Variants in TVP23A observed in about 807,000 individuals in gnomAD.
The protein encoded by TVP23A is Golgi apparatus membrane protein TVP23 homolog A.
A neutral mutation model predicts 31.7 loss-of-function variants in TVP23A; 21 were observed. That is an observed-to-expected ratio of 0.66 (90% CI 0.47 to 0.95). The LOEUF (loss-of-function observed/expected upper bound fraction) is 0.95. Ranked by LOEUF, TVP23A falls within the 40% of genes least tolerant of loss-of-function variation. The pLI, the probability that TVP23A is intolerant of heterozygous loss-of-function variation, is 0.00. For synonymous variants in TVP23A, 104 were observed against 96.0 expected, an observed-to-expected ratio of 1.08 and a Z score of -0.49; for missense variants, 279 against 255.6, an observed-to-expected ratio of 1.09 and a Z score of -0.62.
intron 2 of TVP23A, among the ~76,000 whole-genome samples, chr16:10,804,170 C>T (rs1346312122): frequency 6.6e-6 from 1 of 152,180 alleles, no homozygotes; most frequent in Non-Finnish European, 1.5e-5. Context: ...TCCACACAGG[C>T]CCCTCAGGCC....
chr16:10,811,147 A>C (rs955657127), intron 2 of TVP23A, among the ~76,000 whole-genome samples: 1 of 152,352 alleles, frequency 6.6e-6, no homozygotes, highest in South Asian at 2.1e-4. Context: ...CATTTGGCGC[A>C]GTGAAAAACT....
chr16:10,761,690 A>C, downstream of TVP23A: 1 of 1,287,158 alleles, frequency 7.8e-7, no homozygotes, highest in Non-Finnish European at 1.1e-6. Flanking sequence ...AGTTTCTTTA[A>C]AATGTGGTCC....
At chr16:10,771,186 C>T (rs1284416815) in intron 6 of TVP23A, among the ~76,000 whole-genome samples, 10 of 152,162 alleles carry the variant, frequency 6.6e-5, no homozygotes, top group Non-Finnish European at 1.3e-4. Flanking sequence ...CTTAATGCCA[C>T]AGAACTATAC....
intron 2 of TVP23A, among the ~76,000 whole-genome samples, chr16:10,778,972 G>A (rs1408540734): frequency 6.6e-6 from 1 of 152,136 alleles, no homozygotes; most frequent in East Asian, 1.9e-4. Flanking sequence ...AAAACATACA[G>A]ATCTCAAAAA....
intron 2 of TVP23A, among the ~76,000 whole-genome samples, chr16:10,812,869 C>T (rs1305841862): frequency 6.6e-6 from 1 of 151,834 alleles, no homozygotes; most frequent in African/African-American, 2.4e-5. Flanking sequence ...GAATTTTACG[C>T]TGTGGGTTTT....
rs768402371 is a variant in TVP23A, at chr16:10,769,075, G to A, written c.*27C>T. The A allele has an allele frequency of 1.2e-6, 2 of 1,613,962 alleles. No homozygotes were observed. Among genetic ancestry groups the A allele is most frequent in the East Asian group, 2.2e-5 (1 of 44,886 alleles). On this transcript the variant is annotated 3_prime_UTR_variant, in exon 8 of 8. Coordinates refer to ENST00000299866, the MANE Select transcript of TVP23A (RefSeq NM_001079512.4). ...TCCAAGAGTTTTGTAATCTCCATCA[G>A]TCAAAAGAAGAGAACCTCATCAGTT...
intron 2 of TVP23A, among the ~76,000 whole-genome samples, chr16:10,785,191 G>C (rs13331357): frequency 0.024 from 3,602 of 152,140 alleles, 162 homozygotes; most frequent in African/African-American, 0.082. Flanking sequence ...GATCACCTGA[G>C]GTCAGGAGCT....
chr16:10,764,279 G>A (rs1596473267), downstream of TVP23A, among the ~76,000 whole-genome samples: 1 of 152,352 alleles, frequency 6.6e-6, no homozygotes, highest in East Asian at 1.9e-4. Flanking sequence ...TTGCTTTTTG[G>A]CATCTCAGTC....
Position 10,769,021 on chromosome 16 carries a change from T to C in TVP23A, c.*81A>G. 1 of 1,612,926 alleles carries C rather than the reference T, an allele frequency of 6.2e-7. No homozygotes were observed. Among genetic ancestry groups the C allele is most frequent in the South Asian group, 1.1e-5 (1 of 91,056 alleles). On this transcript the variant is annotated 3_prime_UTR_variant, in exon 8 of 8. Transcript: ENST00000299866. ...CAAGGGGTAGACAAGCCATTAGCAC[T>C]CTATGCCTGTCGTCTTGTTTTCCAG...
chr16:10,790,083 T>A lies in TVP23A; in HGVS notation c.90-14987A>T, dbSNP rs189686720. ...TTATAATGGCAGCCCTTAGAGACAA[T>A]AGAAGACAAATGCTTCCTATTCAGA... On this transcript the variant is annotated intron_variant, in intron 2 of 7. Transcript: ENST00000299866. 2.7e-3 allele frequency among the ~76,000 whole-genome samples: 416 copies of A among 152,204 alleles called. 2 individuals carry two copies. Among genetic ancestry groups the A allele is most frequent in the African/African-American group, 9.3e-3 (385 of 41,546 alleles).
chr16:10,785,067 A>T (rs944737335), intron 2 of TVP23A, among the ~76,000 whole-genome samples: 1 of 148,986 alleles, frequency 6.7e-6, no homozygotes, highest in Non-Finnish European at 1.5e-5. Context: ...ACTACACTCC[A>T]GCCTGGGTGA....
In TVP23A at chr16:10,766,722, G is replaced by C. The variant is rs3762185; in HGVS notation, c.*2380C>G. The C allele has an allele frequency of 0.27, 106,241 of 389,450 alleles. 15,126 individuals carry two copies. Among genetic ancestry groups the C allele is most frequent in the South Asian group, 0.35 (2,393 of 6,912 alleles). The allele number at this position is 389,450 out of a possible 1,614,324, so 24.1% of individuals were successfully genotyped here. On this transcript the variant is annotated 3_prime_UTR_variant, in exon 8 of 8. Coordinates refer to ENST00000299866, the MANE Select transcript of TVP23A (RefSeq NM_001079512.4). The surrounding 1 kb of genome is among the most constrained non-coding windows in gnomAD (Gnocchi z 4.8). Reference sequence around the variant, plus strand: ...TATTGAAAATGAAAGTCAACTCCACGGTGTGGGAGGAGAACGGGCCTGAGA... The same window carrying C: ...TATTGAAAATGAAAGTCAACTCCACCGTGTGGGAGGAGAACGGGCCTGAGA...
intron 2 of TVP23A, among the ~76,000 whole-genome samples, chr16:10,794,193 G>C (rs1341437674): frequency 1.3e-5 from 2 of 152,212 alleles, no homozygotes; most frequent in Non-Finnish European, 2.9e-5. Flanking sequence ...AAAGGTCCCA[G>C]CTCTTAACAG....
chr16:10,806,708 C>T (rs143769692), intron 2 of TVP23A, among the ~76,000 whole-genome samples: 9,721 of 152,032 alleles, frequency 0.064, 755 homozygotes, highest in African/African-American at 0.17. Flanking sequence ...CACCATGTTG[C>T]CTAGGCTGGT....
chr16:10,769,108 C>T lies in TVP23A; in HGVS notation c.*1-7G>A, dbSNP rs2233543. On this transcript the variant is annotated splice_polypyrimidine_tract_variant and splice_region_variant and intron_variant, in intron 7 of 7. Transcript: ENST00000299866. The stretch of plus-strand genomic sequence containing the variant: ...AAGAGAACCTCATCAGTTCCTGAAA[C>T]GAGAGAATGTTCAGGACCAAGCAGT... 2,121 of 1,613,450 alleles carry T rather than the reference C, an allele frequency of 1.3e-3. 32 individuals carry two copies. In the African/African-American group the frequency reaches 0.024, roughly 19 times the overall value.
In TVP23A at chr16:10,774,063, G is replaced by A; in HGVS notation, c.300C>T (p.Ser100=). 6.2e-7 allele frequency: 1 copy of A among 1,611,932 alleles called. No homozygotes were observed. Among genetic ancestry groups the A allele is most frequent in the Non-Finnish European group, 8.5e-7 (1 of 1,179,072 alleles). The change falls in exon 4 of 8, where the codon AGC becomes AGT. Residue 100 remains serine, a synonymous_variant. Coordinates refer to ENST00000299866, the MANE Select transcript of TVP23A (RefSeq NM_001079512.4). ...WWNQIDEDGK[S]HWIFEARKVS... is the part of the protein sequence containing the mutation. ...CCTTCCTGGCTTCAAAGATCCAGTG[G>A]CTCTTCCCATCTTCATCTATCTGGT... is the stretch of plus-strand genomic sequence containing the variant.
intron 2 of TVP23A, among the ~76,000 whole-genome samples, chr16:10,786,572 G>A (rs777237341): frequency 6.6e-6 from 1 of 152,026 alleles, no homozygotes; most frequent in Non-Finnish European, 1.5e-5. Context: ...CTGCTTCTCA[G>A]TATGGCAGGC....
At position 10,768,210 on chromosome 16, in the gene TVP23A, TAATTC is replaced by T. The variant is rs2031186558; in HGVS notation, c.*887_*891del. 2.0e-6 allele frequency: 1 copy of T among 498,932 alleles called. No individual in the cohort carries two copies. The highest frequency in any genetic ancestry group is 3.6e-5 in the Admixed American group (1 of 27,824). The allele number at this position is 498,932 out of a possible 1,614,324, so 30.9% of individuals were successfully genotyped here. On this transcript the variant is annotated 3_prime_UTR_variant, in exon 8 of 8. Transcript: ENST00000299866. This position sits in a 1 kb window ranked among gnomAD's most constrained non-coding sequence, Gnocchi z 4.3. ...CTCTCAATGTGTGAGTATTGTGAAT[TAATTC>T]ATAGTTTAAAAAACATGGTGAGGGT...
chr16:10,759,766 A>C (rs1900814414), downstream of TVP23A, among the ~76,000 whole-genome samples: 1 of 152,096 alleles, frequency 6.6e-6, no homozygotes, highest in Non-Finnish European at 1.5e-5. The surrounding 1 kb of genome is among the most constrained non-coding windows in gnomAD (Gnocchi z 4.7). Flanking sequence ...ACAGAGCAAG[A>C]CTCTGTCTCA....
Sources: allele counts gnomAD v4.1 joint callset (sites outside exome capture counted in the v4.1 genomes callset), GRCh38; gene constraint gnomAD v4.1.1; non-coding constraint Gnocchi (gnomAD v3.1); transcripts MANE v1.5; gene names NCBI Gene and HGNC (gene_info 2026-07-23, HGNC 2026-07-21).